The following CORO1C variants were observed in gnomAD, a reference collection of about 807,000 sequenced individuals.
The protein encoded by CORO1C is coronin-1C.
In CORO1C, 14 loss-of-function variants were observed where a neutral mutation model predicts 51.2. The ratio of observed to expected loss-of-function variants is 0.27; its 90% CI spans 0.18 to 0.43. CORO1C has a LOEUF of 0.43. CORO1C is among the 20% of genes least tolerant of loss of function. The pLI, the probability that CORO1C is intolerant of heterozygous loss-of-function variation, is 1.00. For synonymous variants in CORO1C, 181 were observed against 210.5 expected, an observed-to-expected ratio of 0.86 and a Z score of 1.21; for missense variants, 417 against 607.8, an observed-to-expected ratio of 0.69 and a Z score of 3.30.
rs1165006092 is a variant in CORO1C, at chr12:108,645,442, C to G, written c.*1961G>C. The G allele has an allele frequency of 6.6e-6, 1 of 152,214 alleles. No homozygotes were observed. The highest frequency in any genetic ancestry group is 1.5e-5 in the Non-Finnish European group (1 of 68,036). The allele number at this position is 152,214 out of a possible 1,614,324, so 9.4% of individuals were successfully genotyped here. A position where few individuals can be genotyped will look rare whatever the true frequency, so the allele number is the denominator to read the frequency against. ...CAACTTTACTTCATTAATTCGATAT[C>G]AGAACCTTAAAACACTACTGAATCT... On this transcript the variant is annotated 3_prime_UTR_variant, in exon 11 of 11. Coordinates refer to ENST00000261401, the MANE Select transcript of CORO1C (RefSeq NM_014325.4).
chr12:108,656,407 G>A (rs1363881196), intron 6 of CORO1C, among the ~76,000 whole-genome samples: 3 of 149,970 alleles, frequency 2.0e-5, no homozygotes, highest in Non-Finnish European at 4.5e-5. Context: ...CGCCCGGCCA[G>A]CAGCCCCATC....
chr12:108,709,326 T>C (rs899728604), intron 1 of CORO1C, among the ~76,000 whole-genome samples: 1 of 152,168 alleles, frequency 6.6e-6, no homozygotes, highest in Non-Finnish European at 1.5e-5. Context: ...GGAGAAAACC[T>C]AAGCAAGTCC....
intron 3 of CORO1C, among the ~76,000 whole-genome samples, chr12:108,676,492 T>C (rs766259409): frequency 8.6e-5 from 13 of 151,830 alleles, no homozygotes; most frequent in Non-Finnish European, 1.3e-4. Context: ...GGCATCAGAG[T>C]TAGGCGCAGT....
At chr12:108,660,378 G>C (rs1342518072) in intron 4 of CORO1C, among the ~76,000 whole-genome samples, 1 of 148,404 alleles carries the variant, frequency 6.7e-6, no homozygotes, top group African/African-American at 2.5e-5. Flanking sequence ...TTGAACTCAG[G>C]AGGCGGAGGT....
At chr12:108,702,813 G>A in intron 1 of CORO1C, 1 of 1,531,100 alleles carries the variant, frequency 6.5e-7, no homozygotes, top group South Asian at 1.2e-5. Flanking sequence ...ACGCATGTGT[G>A]AAAGTGGCCT....
intron 2 of CORO1C, chr12:108,700,878 C>T (rs945760136): frequency 1.4e-5 from 6 of 432,562 alleles, no homozygotes; most frequent in African/African-American, 9.8e-5. Context: ...CCCATGCTCA[C>T]AACATCGTTA....
At chr12:108,711,006 C>T (rs2035164283) in intron 1 of CORO1C, among the ~76,000 whole-genome samples, 1 of 152,042 alleles carries the variant, frequency 6.6e-6, no homozygotes, top group Admixed American at 6.6e-5. Flanking sequence ...AGGTGATAAT[C>T]CTCAACCTCT....
At chr12:108,650,563 C>T (rs2032601695) in intron 8 of CORO1C, among the ~76,000 whole-genome samples, 1 of 152,150 alleles carries the variant, frequency 6.6e-6, no homozygotes, top group South Asian at 2.1e-4. Flanking sequence ...TGACTTCCAG[C>T]TCTACTACCA....
rs762823882 is a variant in CORO1C at position 108,658,185 on chromosome 12, C to T, written c.630+553G>A. ...AGAGAACTTGTTGCTTTTCGCCCTG[C>T]GCATTTATTTATTTATTTATTTATT... On this transcript the variant is annotated intron_variant, in intron 5 of 10. Coordinates refer to ENST00000261401, the MANE Select transcript of CORO1C (RefSeq NM_014325.4). This position sits in a 1 kb window ranked among gnomAD's most constrained non-coding sequence, Gnocchi z 4.9. 3.9e-5 allele frequency among the ~76,000 whole-genome samples: 6 copies of T among 151,904 alleles called. No homozygotes were observed. The highest frequency in any genetic ancestry group is 8.8e-5 in the Non-Finnish European group (6 of 68,002).
chr12:108,710,836 A>G (rs1365174924), intron 1 of CORO1C, among the ~76,000 whole-genome samples: 6 of 152,160 alleles, frequency 3.9e-5, no homozygotes, highest in African/African-American at 4.8e-5. Flanking sequence ...TGCTGGGATT[A>G]CAGGTGTGAG....
At chr12:108,648,476 C>T (rs1262117508) in intron 10 of CORO1C, 129 bp downstream of exon 10, 3 of 1,296,764 alleles carry the variant, frequency 2.3e-6, no homozygotes, top group East Asian at 2.3e-5. Flanking sequence ...CCTTCTCCCA[C>T]TTTTTCATTT....
chr12:108,681,460 C>T lies in CORO1C; in HGVS notation c.196-3066G>A, dbSNP rs193002120. On this transcript the variant is annotated intron_variant, in intron 2 of 10. Coordinates refer to ENST00000261401, the MANE Select transcript of CORO1C (RefSeq NM_014325.4). ...AAAGAGAAGATCCCAGAAGCAACAA[C>T]AGAGAAAGGACAGATTACCTACTGA... 4.3e-3 allele frequency among the ~76,000 whole-genome samples: 648 copies of T among 152,244 alleles called. 3 individuals are homozygous for T. Among genetic ancestry groups the T allele is most frequent in the Non-Finnish European group, 7.3e-3 (494 of 68,008 alleles).
intron 6 of CORO1C, 68 bp from the exon 7 acceptor site, chr12:108,654,478 A>T (rs2032840423): frequency 8.2e-6 from 7 of 854,362 alleles, no homozygotes; most frequent in Non-Finnish European, 1.1e-5. Flanking sequence ...AATTTTTATA[A>T]CCTTATTATA....
chr12:108,652,248 T>C, intron 8 of CORO1C, 24 bp downstream of exon 8: 1 of 1,610,076 alleles, frequency 6.2e-7, no homozygotes, highest in Non-Finnish European at 8.5e-7. Context: ...CAACCTAGAA[T>C]ACTTGACAAT....
In CORO1C at chr12:108,658,302, T is replaced by G. The variant is rs2033112641; in HGVS notation, c.630+436A>C. Reference sequence around the variant, plus strand: ...CTCAAATGATCCACCCACCTCGGCCTCCCAAAGTGCTGGGATTACAAGTGT... The same window carrying G: ...CTCAAATGATCCACCCACCTCGGCCGCCCAAAGTGCTGGGATTACAAGTGT... On this transcript the variant is annotated intron_variant, in intron 5 of 10. Transcript: ENST00000261401. This position sits in a 1 kb window ranked among gnomAD's most constrained non-coding sequence, Gnocchi z 4.9. Among the ~76,000 whole-genome samples, 1 of 152,162 alleles carries G rather than the reference T, an allele frequency of 6.6e-6. No individual in the cohort carries two copies. Among genetic ancestry groups the G allele is most frequent in the African/African-American group, 2.4e-5 (1 of 41,434 alleles).
At chr12:108,691,621 C>A (rs940618551) in intron 2 of CORO1C, among the ~76,000 whole-genome samples, 2 of 152,220 alleles carry the variant, frequency 1.3e-5, no homozygotes. Context: ...CCAGATCCCA[C>A]CATTCTCTGA....
intron 3 of CORO1C, among the ~76,000 whole-genome samples, chr12:108,676,935 T>C (rs2033928505): frequency 6.6e-6 from 1 of 152,128 alleles, no homozygotes; most frequent in Non-Finnish European, 1.5e-5. Context: ...CTGCCAAAAT[T>C]ATGAGATCAC....
chr12:108,686,934 T>C (rs1433313677), intron 2 of CORO1C, among the ~76,000 whole-genome samples: 3 of 152,220 alleles, frequency 2.0e-5, no homozygotes, highest in African/African-American at 4.8e-5. Context: ...AATGGCACAA[T>C]TTCCACGTGG....
chr12:108,721,574 A>C (rs749794499), intron 1 of CORO1C, among the ~76,000 whole-genome samples: 14 of 152,322 alleles, frequency 9.2e-5, no homozygotes, highest in South Asian at 2.1e-4. Context: ...GTGAATACGA[A>C]TTTTTTAAAT....
Sources: gnomAD v4.1 joint callset for allele counts (sites outside exome capture counted in the v4.1 genomes callset) on GRCh38, gnomAD v4.1.1 for gene constraint, Gnocchi (gnomAD v3.1) non-coding constraint, MANE v1.5 for transcripts, NCBI Gene and HGNC (gene_info 2026-07-23, HGNC 2026-07-21) for gene names.